SH3PXD2A: variants seen among roughly 807,000 people sequenced by gnomAD.
SH3PXD2A encodes SH3 and PX domains 2A, also known as SH3 and PX domain-containing protein 2A.
Under a neutral mutation model 115.2 loss-of-function variants are expected in SH3PXD2A, and 32 were observed. The ratio of observed to expected loss-of-function variants is 0.28; its 90% CI spans 0.21 to 0.37. The LOEUF (loss-of-function observed/expected upper bound fraction) is 0.37. Among genes scored for constraint, SH3PXD2A ranks in the 10% least tolerant of loss-of-function variants. The pLI is 1.00. For synonymous variants in SH3PXD2A, 610 were observed against 629.1 expected (o/e 0.97, Z 0.45); for missense variants, 1,328 against 1,498.7 (o/e 0.89, Z 1.88).
At chr10:103,663,505 G>A (rs1353738470) in intron 7 of SH3PXD2A, among the ~76,000 whole-genome samples, 1 of 152,240 alleles carries the variant, frequency 6.6e-6, no homozygotes, top group Non-Finnish European at 1.5e-5. Context: ...TTCTAGCACA[G>A]TAATCCTCAA....
At chr10:103,831,843 A>T (rs1390772259) in intron 1 of SH3PXD2A, among the ~76,000 whole-genome samples, 1 of 152,156 alleles carries the variant, frequency 6.6e-6, no homozygotes, top group Non-Finnish European at 1.5e-5. Context: ...TCCCGGAAAC[A>T]ACTAACCAAC....
intron 3 of SH3PXD2A, 135 bp downstream of exon 3, chr10:103,766,958 TG>T: frequency 1.5e-6 from 1 of 647,408 alleles, no homozygotes. Context: ...CCAAATCCCC[TG>T]GGGGAATTGT....
chr10:103,772,850 C>T (rs558756409), intron 2 of SH3PXD2A, among the ~76,000 whole-genome samples: 1 of 152,278 alleles, frequency 6.6e-6, no homozygotes, highest in East Asian at 1.9e-4. Flanking sequence ...TCCTTGTGCC[C>T]TTTCTATCTA....
chr10:103,829,483 T>C (rs944846613), intron 1 of SH3PXD2A, among the ~76,000 whole-genome samples: 33 of 152,248 alleles, frequency 2.2e-4, no homozygotes, highest in African/African-American at 8.0e-4. Context: ...TTTTTTTAAA[T>C]AGGTCTGGTT....
At chr10:103,781,333 C>A (rs2038929838) in intron 2 of SH3PXD2A, among the ~76,000 whole-genome samples, 1 of 152,208 alleles carries the variant, frequency 6.6e-6, no homozygotes, top group East Asian at 1.9e-4. Flanking sequence ...CCCACAGAAT[C>A]TCCCTGCAGT....
At chr10:103,649,395 C>G (rs148766506) in intron 8 of SH3PXD2A, among the ~76,000 whole-genome samples, 1 of 152,216 alleles carries the variant, frequency 6.6e-6, no homozygotes, top group African/African-American at 2.4e-5. Context: ...GCTCCTCTTA[C>G]GCAAAGCCTG....
chr10:103,646,059 TGAC>T (rs2037031979), intron 8 of SH3PXD2A, among the ~76,000 whole-genome samples: 1 of 152,202 alleles, frequency 6.6e-6, no homozygotes, highest in Admixed American at 6.5e-5. Flanking sequence ...GTTCCCTGCC[TGAC>T]ATATAGGAGG....
chr10:103,608,245 G>A (rs1190859218), intron 13 of SH3PXD2A, among the ~76,000 whole-genome samples: 2 of 148,120 alleles, frequency 1.4e-5, no homozygotes, highest in South Asian at 2.1e-4. Context: ...CCGGAGTCCC[G>A]GAAGCCGGGA....
chr10:103,674,608 T>A (rs550677603), intron 6 of SH3PXD2A, among the ~76,000 whole-genome samples: 2 of 152,018 alleles, frequency 1.3e-5, no homozygotes, highest in Admixed American at 1.3e-4. Flanking sequence ...GATCAGGAGG[T>A]CAGGAGTTTG....
chr10:103,706,687 G>C (rs946825479), intron 5 of SH3PXD2A, among the ~76,000 whole-genome samples: 1 of 152,102 alleles, frequency 6.6e-6, no homozygotes, highest in African/African-American at 2.4e-5. Flanking sequence ...CAGGGCTGCC[G>C]GATGGTCTCA....
At chr10:103,828,486 C>G (rs2134300310) in intron 1 of SH3PXD2A, among the ~76,000 whole-genome samples, 1 of 152,330 alleles carries the variant, frequency 6.6e-6, no homozygotes, top group East Asian at 1.9e-4. Flanking sequence ...CAAGTTGACT[C>G]CTGGGTCTCC....
intron 3 of SH3PXD2A, among the ~76,000 whole-genome samples, chr10:103,751,238 A>G (rs1417511400): frequency 3.3e-5 from 5 of 152,260 alleles, no homozygotes; most frequent in Non-Finnish European, 7.3e-5. Flanking sequence ...TACAAGATAG[A>G]TAGGTCATTC....
chr10:103,604,863 G>T (rs898482773), intron 14 of SH3PXD2A, among the ~76,000 whole-genome samples: 1 of 152,198 alleles, frequency 6.6e-6, no homozygotes, highest in Non-Finnish European at 1.5e-5. Flanking sequence ...CAGAGAGAAT[G>T]ATTTTTCTTG....
At chr10:103,628,933 G>A (rs12415143) in intron 8 of SH3PXD2A, among the ~76,000 whole-genome samples, 78,484 of 152,090 alleles carry the variant, frequency 0.52, 20,455 homozygotes, top group East Asian at 0.62. Context: ...TTACTGCCAC[G>A]TTTATTTCAT....
intron 11 of SH3PXD2A, among the ~76,000 whole-genome samples, chr10:103,614,702 G>A (rs2036481727): frequency 6.6e-6 from 1 of 152,052 alleles, no homozygotes; most frequent in Non-Finnish European, 1.5e-5. Context: ...TCTGCTCCCT[G>A]GACACATCTG....
Position 103,720,543 on chromosome 10 carries a change from T to G in SH3PXD2A, c.398+3727A>C, listed in dbSNP as rs2038169851. 2.0e-5 allele frequency among the ~76,000 whole-genome samples: 3 copies of G among 152,172 alleles called. No homozygotes were observed. The South Asian group carries it at 6.2e-4, about 32-fold the overall frequency. ...CCCCCACCCCAGCCCCCATGAATTCTCAATGGACCCTGCAGCAGCACACTT... is the reference window on the plus strand; with the variant it reads ...CCCCCACCCCAGCCCCCATGAATTCGCAATGGACCCTGCAGCAGCACACTT... On this transcript the variant is annotated intron_variant, in intron 5 of 14. Transcript: ENST00000369774.
rs1233515705 is a variant in SH3PXD2A at position 103,600,383 on chromosome 10, G to C, written c.*1433C>G. The C allele has an allele frequency of 6.6e-6, 1 of 152,314 alleles. No homozygotes were observed. The highest frequency in any genetic ancestry group is 1.5e-5 in the Non-Finnish European group (1 of 68,090). 9.4% of individuals were successfully genotyped at this position (152,314 alleles called of 1,614,324 possible). ...AAGACCAGGTTGGCTCCTGGCACAG[G>C]GATCCTCCATCTTCTTGGGCACCTG... On this transcript the variant is annotated 3_prime_UTR_variant, in exon 15 of 15. Coordinates refer to ENST00000369774, the MANE Select transcript of SH3PXD2A (RefSeq NM_001394015.1).
chr10:103,791,999 G>A (rs1053559067), intron 2 of SH3PXD2A, among the ~76,000 whole-genome samples: 1 of 152,098 alleles, frequency 6.6e-6, no homozygotes, highest in East Asian at 1.9e-4. Context: ...ACTCAGGAGA[G>A]GCAGGAGGAA....
intron 10 of SH3PXD2A, among the ~76,000 whole-genome samples, chr10:103,618,177 G>C (rs1226222558): frequency 6.6e-6 from 1 of 152,220 alleles, no homozygotes; most frequent in African/African-American, 2.4e-5. Flanking sequence ...GTGCCTTGTA[G>C]ACTCTCAGGA....
Sources: allele counts gnomAD v4.1 joint callset (sites outside exome capture counted in the v4.1 genomes callset), GRCh38; gene constraint gnomAD v4.1.1; transcripts MANE v1.5; gene names NCBI Gene and HGNC (gene_info 2026-07-23, HGNC 2026-07-21).